SEMA3D: variants seen among roughly 807,000 people sequenced by gnomAD.
SEMA3D encodes the protein semaphorin 3D.
SEMA3D carries 84 observed loss-of-function variants against 100.1 expected under a neutral mutation model. The ratio of observed to expected loss-of-function variants is 0.84; its 90% CI spans 0.70 to 1.01. The LOEUF (loss-of-function observed/expected upper bound fraction) is 1.01. Ranked by LOEUF, SEMA3D falls within the 50% of genes least tolerant of loss-of-function variation. SEMA3D has a pLI of 0.00. For synonymous variants in SEMA3D, 312 were observed against 320.7 expected, an observed-to-expected ratio of 0.97 and a Z score of 0.29; for missense variants, 875 against 934.1, an observed-to-expected ratio of 0.94 and a Z score of 0.82.
intron 9 of SEMA3D, among the ~76,000 whole-genome samples, chr7:85,047,586 T>C (rs1490768797): frequency 6.6e-6 from 1 of 151,846 alleles, no homozygotes; most frequent in Non-Finnish European, 1.5e-5. Context: ...TTGGAAAATG[T>C]AATAATTGAC....
upstream of SEMA3D, among the ~76,000 whole-genome samples, chr7:85,188,790 C>T (rs1305360672): frequency 6.6e-6 from 1 of 152,192 alleles, no homozygotes; most frequent in African/African-American, 2.4e-5. Context: ...CCTTCCTTTG[C>T]TACCATTCAA....
rs10260772 is a variant in SEMA3D, at chr7:85,037,975, G to A, written c.1047-942C>T. Among the ~76,000 whole-genome samples, 1,080 of 139,330 alleles carry A rather than the reference G, an allele frequency of 7.8e-3. 15 individuals are homozygous for A. Among genetic ancestry groups the A allele is most frequent in the African/African-American group, 0.027 (1,016 of 37,756 alleles). The allele number at this position is 139,330 out of a possible 152,430, so 91.4% of individuals were successfully genotyped here. ...GCGGTATTTGGTTTTTTGTCCTTGC[G>A]AATAGGTGGGAATTGAACAATGAGA... On this transcript the variant is annotated intron_variant, in intron 11 of 18. Transcript: ENST00000284136.
the SEMA3D span, among the ~76,000 whole-genome samples, chr7:85,214,838 C>T: frequency 6.6e-6 from 1 of 152,098 alleles, no homozygotes; most frequent in South Asian, 2.1e-4. Flanking sequence ...GTTATTTCTA[C>T]ATATAAACCC....
the SEMA3D span, among the ~76,000 whole-genome samples, chr7:85,207,525 C>G: frequency 2.0e-5 from 3 of 152,026 alleles, no homozygotes; most frequent in Non-Finnish European, 4.4e-5. Context: ...CCCTGCTAAT[C>G]TTTCCATTTC....
chr7:85,170,387 GA>G (rs1484927600), intron 1 of SEMA3D, among the ~76,000 whole-genome samples: 1 of 151,770 alleles, frequency 6.6e-6, no homozygotes, highest in East Asian at 1.9e-4. Flanking sequence ...TATGTATGTG[GA>G]AAGATATTTC....
chr7:85,203,814 A>G, the SEMA3D span, among the ~76,000 whole-genome samples: 1 of 149,936 alleles, frequency 6.7e-6, no homozygotes, highest in African/African-American at 2.5e-5. Context: ...GGGGGAAAAC[A>G]AAAACAAAAA....
chr7:85,041,868 GAC>G (rs1790875249), intron 10 of SEMA3D: 1 of 278,638 alleles, frequency 3.6e-6, no homozygotes, highest in East Asian at 6.5e-5. Flanking sequence ...CAAAATGAAA[GAC>G]TGCATGGAGA....
intron 3 of SEMA3D, among the ~76,000 whole-genome samples, chr7:85,101,021 T>C (rs1788726461): frequency 6.6e-6 from 1 of 151,906 alleles, no homozygotes; most frequent in Non-Finnish European, 1.5e-5. Context: ...GACCCAATGG[T>C]GTAATATATT....
chr7:85,094,683 T>C (rs1335411351), intron 4 of SEMA3D, among the ~76,000 whole-genome samples: 2 of 151,962 alleles, frequency 1.3e-5, no homozygotes, highest in African/African-American at 2.4e-5. Context: ...TGATCACTTC[T>C]GGTTCTGATT....
At chr7:85,194,095 GT>G in the SEMA3D span, among the ~76,000 whole-genome samples, 1 of 152,088 alleles carries the variant, frequency 6.6e-6, no homozygotes, top group African/African-American at 2.4e-5. Context: ...TTCCAAGATA[GT>G]TTTTTTGTTG....
At chr7:85,153,170 C>G (rs1229106667) in intron 2 of SEMA3D, among the ~76,000 whole-genome samples, 1 of 152,014 alleles carries the variant, frequency 6.6e-6, no homozygotes, top group Admixed American at 6.6e-5. Flanking sequence ...GGTTTTGCAT[C>G]CTGAGAATAC....
the SEMA3D span, among the ~76,000 whole-genome samples, chr7:85,250,001 G>A: frequency 6.6e-6 from 1 of 152,108 alleles, no homozygotes; most frequent in Non-Finnish European, 1.5e-5. Flanking sequence ...GCCCAGGTCA[G>A]CGGGTGCACG....
rs183095092 is a variant in SEMA3D, at chr7:85,118,621, G to A, written c.151+3120C>T. The stretch of plus-strand genomic sequence containing the variant: ...AATAGAACAGCTGAGCTCTTATAAT[G>A]TGACCCTTGTAAATTTGTTTAAGTT... On this transcript the variant is annotated intron_variant, in intron 3 of 18. Coordinates refer to ENST00000284136, the MANE Select transcript of SEMA3D (RefSeq NM_001384900.1). Among the ~76,000 whole-genome samples the A allele has an allele frequency of 1.1e-4, 17 of 152,130 alleles. No individual in the cohort carries two copies. In the East Asian group the frequency reaches 3.3e-3, roughly 29 times the overall value.
intron 5 of SEMA3D, among the ~76,000 whole-genome samples, chr7:85,079,458 T>C (rs1201399665): frequency 6.6e-6 from 1 of 152,174 alleles, no homozygotes; most frequent in Non-Finnish European, 1.5e-5. Context: ...AGGTTAGAGG[T>C]GGTTACTAGC....
chr7:85,126,194 AT>A (rs1452721451), intron 2 of SEMA3D, among the ~76,000 whole-genome samples: 1 of 152,122 alleles, frequency 6.6e-6, no homozygotes, highest in Non-Finnish European at 1.5e-5. Context: ...GAAATATGAA[AT>A]TTTACATGTG....
At chr7:85,181,880 A>C in intron 1 of SEMA3D, 2 of 283,836 alleles carry the variant, frequency 7.0e-6, no homozygotes, top group Non-Finnish European at 1.1e-5. Flanking sequence ...GATGGATTGA[A>C]AATCATCAAA....
At chr7:85,155,314 TA>T (rs1223777483) in intron 1 of SEMA3D, among the ~76,000 whole-genome samples, 12 of 152,168 alleles carry the variant, frequency 7.9e-5, no homozygotes, top group Non-Finnish European at 1.6e-4. Context: ...TGCTAAGAGA[TA>T]AAAATATATA....
At chr7:85,023,126 T>C (rs1217398129) in intron 12 of SEMA3D, among the ~76,000 whole-genome samples, 1 of 151,930 alleles carries the variant, frequency 6.6e-6, no homozygotes, top group East Asian at 1.9e-4. Context: ...TTATGATTAG[T>C]GTGAAAATTA....
intron 18 of SEMA3D, among the ~76,000 whole-genome samples, chr7:85,005,163 C>G (rs1043926468): frequency 6.6e-6 from 1 of 151,830 alleles, no homozygotes; most frequent in East Asian, 1.9e-4. Context: ...CAACTTTATT[C>G]GCTATGAAAT....
Sources: gnomAD v4.1 joint callset for allele counts (sites outside exome capture counted in the v4.1 genomes callset) on GRCh38, gnomAD v4.1.1 for gene constraint, MANE v1.5 for transcripts, NCBI Gene and HGNC (gene_info 2026-07-23, HGNC 2026-07-21) for gene names.